ZSCAN2: variants seen among roughly 807,000 people sequenced by gnomAD.
ZSCAN2 encodes zinc finger and SCAN domain-containing protein 2.
A neutral mutation model predicts 47.8 loss-of-function variants in ZSCAN2; 26 were observed. The observed-to-expected ratio is 0.54, with a 90% confidence interval of 0.40 to 0.75. The LOEUF (loss-of-function observed/expected upper bound fraction) is 0.75, where lower values mean the gene tolerates loss of function less well. Among genes scored for constraint, ZSCAN2 ranks in the 30% least tolerant of loss-of-function variants. The pLI is 0.00. For missense variants in ZSCAN2, 732 were observed against 785.4 expected (o/e 0.93, Z 0.81); for synonymous variants, 305 against 288.7 (o/e 1.06, Z -0.57).
chr15:84,616,643 T>C, intron 2 of ZSCAN2: 2 of 1,160,016 alleles, frequency 1.7e-6, no homozygotes, highest in Non-Finnish European at 1.1e-6. Context: ...ATTGGAGAGC[T>C]AACCAGTTCT....
chr15:84,619,169 C>T (rs182760804), intron 2 of ZSCAN2, among the ~76,000 whole-genome samples: 65 of 152,284 alleles, frequency 4.3e-4, no homozygotes, highest in East Asian at 1.7e-3. Context: ...CGGTGGCTCA[C>T]GCCTGTAATC....
rs555357594 is a variant in ZSCAN2, at chr15:84,623,121, T to C, written c.*1081T>C. ...TATTATTTTTGAGACGGAGTCTCAC[T>C]CTGTCACCCAGGCTGGAGTGCAGTG... On this transcript the variant is annotated 3_prime_UTR_variant, in exon 3 of 3. Coordinates refer to ENST00000546148, the MANE Select transcript of ZSCAN2 (RefSeq NM_181877.4). 6.3e-6 allele frequency: 1 copy of C among 159,938 alleles called. No homozygotes were observed. Among genetic ancestry groups the C allele is most frequent in the Admixed American group, 6.5e-5 (1 of 15,354 alleles). The allele number at this position is 159,938 out of a possible 1,614,324, so 9.9% of individuals were successfully genotyped here. A position where few individuals can be genotyped will look rare whatever the true frequency, so the allele number is the denominator to read the frequency against.
In ZSCAN2 at chr15:84,621,411, A is replaced by C. The variant is rs1895813426; in HGVS notation, c.1216A>C (p.Ile406Leu). 1 of 1,613,964 alleles carries C rather than the reference A, an allele frequency of 6.2e-7. No homozygotes were observed. Among genetic ancestry groups the C allele is most frequent in the Non-Finnish European group, 8.5e-7 (1 of 1,180,014 alleles). The change falls in exon 3 of 3, where the codon ATC (isoleucine) becomes CTC (leucine). Residue 406 changes from isoleucine to leucine, a missense_variant. By Grantham distance (5) the Ile-to-Leu change is conservative. This residue lies in a region of ZSCAN2 where 412 missense variants were observed against 498.0 expected (regional missense o/e 0.83). Transcript: ENST00000546148. This position sits in a 1 kb window ranked among gnomAD's most constrained non-coding sequence, Gnocchi z 5.7. The part of the protein sequence containing the change: ...GQRFSQSSAL[I>L]THRRTHTGEK... ...GAGGTTCAGCCAGAGTTCAGCCCTC[A>C]TCACCCACCGGAGAACCCACACAGG...
chr15:84,616,219 AGAGT>A, intron 2 of ZSCAN2: 1 of 790,554 alleles, frequency 1.3e-6, no homozygotes, highest in South Asian at 1.4e-5. Context: ...CCTGGGTGAC[AGAGT>A]GAGACTTCAT....
Position 84,621,011 on chromosome 15 carries a change from C to T in ZSCAN2, c.816C>T (p.His272=), listed in dbSNP as rs1348746026. Residue 272 remains histidine, a synonymous_variant, in exon 3 of 3, where the codon CAC becomes CAT. Coordinates refer to ENST00000546148, the MANE Select transcript of ZSCAN2 (RefSeq NM_181877.4). The surrounding 1 kb of genome is among the most constrained non-coding windows in gnomAD (Gnocchi z 5.7). The part of the protein sequence containing the change: ...GSNFSRHQTT[H]TGEKPYKCRD... ...ATTTTAGTAGACACCAAACCACTCA[C>T]ACCGGGGAGAAGCCCTACAAATGCA... The T allele has an allele frequency of 6.2e-7, 1 of 1,614,120 alleles. No individual in the cohort carries two copies. The highest frequency in any genetic ancestry group is 8.5e-7 in the Non-Finnish European group (1 of 1,180,032).
intron 2 of ZSCAN2, among the ~76,000 whole-genome samples, chr15:84,618,286 T>G (rs1255380050): frequency 6.6e-6 from 1 of 151,914 alleles, no homozygotes; most frequent in East Asian, 1.9e-4. Flanking sequence ...GGCGTGGTGG[T>G]GTGCGCCTGT....
intron 2 of ZSCAN2, among the ~76,000 whole-genome samples, chr15:84,605,829 C>G (rs1281573730): frequency 1.3e-5 from 2 of 152,220 alleles, no homozygotes; most frequent in African/African-American, 2.4e-5. Context: ...CCATGGCTAG[C>G]ACTTTCCAAG....
At chr15:84,602,285 T>A (rs961740501) in intron 1 of ZSCAN2, 5 of 152,206 alleles carry the variant, frequency 3.3e-5, no homozygotes, top group African/African-American at 9.6e-5. Flanking sequence ...GAGGACTTAC[T>A]GTGTCTATGG....
chr15:84,622,542 C>T lies in ZSCAN2; in HGVS notation c.*502C>T, dbSNP rs1895839082. On this transcript the variant is annotated 3_prime_UTR_variant, in exon 3 of 3. Coordinates refer to ENST00000546148, the MANE Select transcript of ZSCAN2 (RefSeq NM_181877.4). ...ACCCCAAGCTGTCAGTTAGAATCTG[C>T]TCTTCTGGCTTTGGTGTCTTGGGCT... is the stretch of plus-strand genomic sequence containing the variant. 2 of 705,382 alleles carry T rather than the reference C, an allele frequency of 2.8e-6. No individual in the cohort carries two copies. Among genetic ancestry groups the T allele is most frequent in the African/African-American group, 1.8e-5 (1 of 56,720 alleles). The allele number at this position is 705,382 out of a possible 1,614,324, so 43.7% of individuals were successfully genotyped here.
intron 2 of ZSCAN2, among the ~76,000 whole-genome samples, chr15:84,609,923 C>A (rs938389958): frequency 6.6e-6 from 1 of 152,226 alleles, no homozygotes; most frequent in Non-Finnish European, 1.5e-5. Context: ...CATGAGTCTT[C>A]CCCATGTTCA....
Position 84,622,397 on chromosome 15 carries a change from G to A in ZSCAN2, c.*357G>A, listed in dbSNP as rs926147090. ...AATGGAAGACAGCATGGCCCACAAC[G>A]TGGGCCGAGTCCTCAGAGAAATACT... On this transcript the variant is annotated 3_prime_UTR_variant, in exon 3 of 3. Coordinates refer to ENST00000546148, the MANE Select transcript of ZSCAN2 (RefSeq NM_181877.4). The A allele has an allele frequency of 6.5e-5, 38 of 583,848 alleles. No homozygotes were observed. The highest frequency in any genetic ancestry group is 5.6e-4 in the East Asian group (19 of 34,028). The allele number at this position is 583,848 out of a possible 1,614,324, so 36.2% of individuals were successfully genotyped here.
chr15:84,618,290 C>T (rs1194869293), intron 2 of ZSCAN2, among the ~76,000 whole-genome samples: 4 of 152,002 alleles, frequency 2.6e-5, no homozygotes, highest in Non-Finnish European at 4.4e-5. Context: ...TGGTGGTGTG[C>T]GCCTGTAGTC....
Position 84,621,946 on chromosome 15 carries a change from A to G in ZSCAN2, c.1751A>G (p.Lys584Arg). The change falls in exon 3 of 3, where the codon AAG becomes AGG. Residue 584 changes from lysine (K) to arginine (R), a missense_variant. Lys to Arg is a conservative substitution (Grantham distance 26). Coordinates refer to ENST00000546148, the MANE Select transcript of ZSCAN2 (RefSeq NM_181877.4). The surrounding 1 kb of genome is among the most constrained non-coding windows in gnomAD (Gnocchi z 5.7). The part of the protein sequence containing the change: ...IIHQRIHTGE[K>R]PYKCPECGKG... ...CATCAGCGAATCCACACTGGGGAGA[A>G]GCCCTACAAATGCCCCGAGTGTGGC... 1 of 1,614,226 alleles carries G rather than the reference A, an allele frequency of 6.2e-7. No individual in the cohort carries two copies.
At position 84,621,014 on chromosome 15, in the gene ZSCAN2, CG is replaced by C; in HGVS notation, c.823del (p.Glu275ArgfsTer20). The part of the protein sequence containing the change: ...NFSRHQTTHT[G>X]EKPYKCRDCG... ...TTAGTAGACACCAAACCACTCACAC[CG>C]GGGAGAAGCCCTACAAATGCAGAGA... is the stretch of plus-strand genomic sequence containing the variant. On this transcript the variant is annotated frameshift_variant, in exon 3 of 3. Coordinates refer to ENST00000546148, the MANE Select transcript of ZSCAN2 (RefSeq NM_181877.4). LOFTEE classifies it high-confidence loss of function. The surrounding 1 kb of genome is among the most constrained non-coding windows in gnomAD (Gnocchi z 5.7). 6.2e-7 allele frequency: 1 copy of C among 1,613,782 alleles called. No homozygotes were observed. The highest frequency in any genetic ancestry group is 8.5e-7 in the Non-Finnish European group (1 of 1,179,948).
At chr15:84,616,278 G>A (rs1215605925) in intron 2 of ZSCAN2, 2 of 1,063,600 alleles carry the variant, frequency 1.9e-6, no homozygotes, top group South Asian at 1.3e-5. Flanking sequence ...ATGTGCGTGG[G>A]TCAAAGGCTC....
chr15:84,615,335 C>T (rs1478794623), intron 2 of ZSCAN2, among the ~76,000 whole-genome samples: 1 of 151,932 alleles, frequency 6.6e-6, no homozygotes, highest in Non-Finnish European at 1.5e-5. Flanking sequence ...ACTTCTGTTT[C>T]TATCTTTTTG....
rs1378613518 is a variant in ZSCAN2 at position 84,621,109 on chromosome 15, C to T, written c.914C>T (p.Pro305Leu). Residue 305 changes from proline to leucine, a missense_variant, in exon 3 of 3, where the codon CCC becomes CTC. Pro to Leu is a moderately conservative substitution (Grantham distance 98). Around this residue, in one of 2 missense-constraint regions of ZSCAN2, gnomAD observed 412 missense variants for 498.0 expected, o/e 0.83. Transcript: ENST00000546148. The surrounding 1 kb of genome is among the most constrained non-coding windows in gnomAD (Gnocchi z 5.7). Reference sequence around the variant, plus strand: ...CAGAGGATCCACACGGGGGAAAAGCCCTTCCAGTGTGCCGAGTGTGGCAAG... The same window carrying T: ...CAGAGGATCCACACGGGGGAAAAGCTCTTCCAGTGTGCCGAGTGTGGCAAG... ...THQRIHTGEK[P>L]FQCAECGKSF... The T allele has an allele frequency of 1.2e-6, 2 of 1,614,024 alleles. No individual in the cohort carries two copies. The highest frequency in any genetic ancestry group is 1.7e-6 in the Non-Finnish European group (2 of 1,179,984).
chr15:84,621,472 G>C lies in ZSCAN2; in HGVS notation c.1277G>C (p.Ser426Thr), dbSNP rs1895815425. ...TACCAGTGCAGCGAGTGTGGGAAAA[G>C]CTTCAGCCGCAGCTCTAACCTGGCC... is the stretch of plus-strand genomic sequence containing the variant. ...KPYQCSECGK[S>T]FSRSSNLATH... Residue 426 changes from serine to threonine, a missense_variant, in exon 3 of 3, where the codon AGC (serine) becomes ACC (threonine). Physicochemically the swap from Ser to Thr is moderately conservative, Grantham distance 58 (BLOSUM62 1). This residue lies in a region of ZSCAN2 where 412 missense variants were observed against 498.0 expected (regional missense o/e 0.83). Coordinates refer to ENST00000546148, the MANE Select transcript of ZSCAN2 (RefSeq NM_181877.4). This position sits in a 1 kb window ranked among gnomAD's most constrained non-coding sequence, Gnocchi z 5.7. The C allele has an allele frequency of 2.5e-6, 4 of 1,614,024 alleles. No individual in the cohort carries two copies. The highest frequency in any genetic ancestry group is 3.4e-6 in the Non-Finnish European group (4 of 1,180,038).
At chr15:84,611,850 C>G (rs1160099053) in intron 2 of ZSCAN2, 4 of 152,260 alleles carry the variant, frequency 2.6e-5, no homozygotes, top group Admixed American at 2.6e-4. Flanking sequence ...CCTACATCTA[C>G]TCATATCCAC....
Sources: gnomAD v4.1 joint callset for allele counts (sites outside exome capture counted in the v4.1 genomes callset) on GRCh38, gnomAD v4.1.1 for gene constraint, gnomAD v4.1.1 regional missense constraint, Gnocchi (gnomAD v3.1) non-coding constraint, MANE v1.5 for transcripts, NCBI Gene and HGNC (gene_info 2026-07-23, HGNC 2026-07-21) for gene names.